Variants in TMEM18 observed in about 807,000 individuals in gnomAD.
The protein encoded by TMEM18 is transmembrane protein 18.
TMEM18 carries 14 observed loss-of-function variants against 17.4 expected under a neutral mutation model. The observed-to-expected ratio is 0.80, with a 90% CI of 0.53 to 1.25. The LOEUF is 1.25. TMEM18 is among the 50% of genes most tolerant of loss of function. The pLI is 0.00. For synonymous variants in TMEM18, 86 were observed against 66.1 expected (o/e 1.30, Z -1.46); for missense variants, 187 against 172.1 (o/e 1.09, Z -0.48).
intron 1 of TMEM18, chr2:676,704 G>A: frequency 6.8e-7 from 1 of 1,474,836 alleles, no homozygotes; most frequent in South Asian, 1.2e-5. Flanking sequence ...ACCCGGCACG[G>A]CGCACGCCCC....
intron 1 of TMEM18, chr2:676,576 G>C (rs1396422530): frequency 3.2e-6 from 5 of 1,550,376 alleles, no homozygotes; most frequent in Non-Finnish European, 8.7e-7. Flanking sequence ...GCACCCACCA[G>C]AAGACCAGAG....
At chr2:670,288 G>A (rs1678807566) in intron 3 of TMEM18, 1 of 173,642 alleles carries the variant, frequency 5.8e-6, no homozygotes, top group African/African-American at 2.4e-5. Flanking sequence ...GCTGCACTGG[G>A]AAGGAGTGGT....
intron 3 of TMEM18, chr2:670,339 C>G (rs1678808884): frequency 6.3e-6 from 1 of 158,948 alleles, no homozygotes; most frequent in Non-Finnish European, 1.4e-5. Context: ...AGCAGGTCCT[C>G]TTGCTGTCAG....
At chr2:670,554 G>C (rs902941376) in intron 3 of TMEM18, 1 of 152,650 alleles carries the variant, frequency 6.6e-6, no homozygotes, top group East Asian at 1.9e-4. Flanking sequence ...CCTTGCTGGC[G>C]CTCACAGCTA....
At position 675,715 on chromosome 2, in the gene TMEM18, G is replaced by T. The variant is rs182285685; in HGVS notation, c.58-85C>A. The T allele has an allele frequency of 1.5e-3, 2,374 of 1,563,942 alleles. 3 individuals carry two copies. Among genetic ancestry groups the T allele is most frequent in the Non-Finnish European group, 1.8e-3 (2,089 of 1,159,666 alleles). On this transcript the variant is annotated intron_variant, in intron 1 of 4. Transcript: ENST00000281017. ...CACCCACAGCCTTCTCCCAGCGCAGGAGGCAGGGGCCTCTCACTCCTGAGT... is the reference window on the plus strand; with the variant it reads ...CACCCACAGCCTTCTCCCAGCGCAGTAGGCAGGGGCCTCTCACTCCTGAGT...
rs80025218 is a variant in TMEM18 at position 666,016 on chromosome 2, C to T, written c.*3564G>A. 6.9e-6 allele frequency among the ~76,000 whole-genome samples: 1 copy of T among 143,964 alleles called. No individual in the cohort carries two copies. Among genetic ancestry groups the T allele is most frequent in the African/African-American group, 2.6e-5 (1 of 38,562 alleles). 94.4% of individuals were successfully genotyped at this position (143,964 alleles called of 152,430 possible). On this transcript the variant is annotated 3_prime_UTR_variant, in exon 5 of 5. Coordinates refer to ENST00000281017, the MANE Select transcript of TMEM18 (RefSeq NM_152834.4). ...ATTAACCCCATGTACAACAGAACCC[C>T]GAGATGCAGATGCTCAGCTCACTGA...
At position 670,012 on chromosome 2, in the gene TMEM18, A is replaced by G. The variant is rs141120545; in HGVS notation, c.234-162T>C. 4.1e-5 allele frequency: 25 copies of G among 610,800 alleles called. No homozygotes were observed. The African/African-American group carries it at 4.4e-4, about 11-fold the overall frequency. 37.8% of individuals were successfully genotyped at this position (610,800 alleles called of 1,614,324 possible). ...TGGGAGCAGCGGTAATCTCCACTGT[A>G]CTGTCCCAAATGCAATGAATGCTCA... is the stretch of plus-strand genomic sequence containing the variant. On this transcript the variant is annotated intron_variant, in intron 3 of 4. Transcript: ENST00000281017.
Position 666,056 on chromosome 2 carries a change from C to G in TMEM18, c.*3524G>C, listed in dbSNP as rs1374092386. 1.3e-5 allele frequency among the ~76,000 whole-genome samples: 2 copies of G among 152,142 alleles called. No homozygotes were observed. Among genetic ancestry groups the G allele is most frequent in the Non-Finnish European group, 2.9e-5 (2 of 68,030 alleles). On this transcript the variant is annotated 3_prime_UTR_variant, in exon 5 of 5. Transcript: ENST00000281017. Reference sequence around the variant, plus strand: ...CAGCTCACTGAGATGGAGCATCAACCCTACACACAACAGGACCCATGGAGG... The same window carrying G: ...CAGCTCACTGAGATGGAGCATCAACGCTACACACAACAGGACCCATGGAGG...
chr2:677,280 G>A lies in TMEM18; in HGVS notation c.57+9C>T, dbSNP rs775924520. 3.1e-6 allele frequency: 5 copies of A among 1,609,780 alleles called. No homozygotes were observed. The African/African-American group carries it at 4.0e-5, about 13-fold the overall frequency. On this transcript the variant is annotated intron_variant, in intron 1 of 4. Coordinates refer to ENST00000281017, the MANE Select transcript of TMEM18 (RefSeq NM_152834.4). The stretch of plus-strand genomic sequence containing the variant: ...CCCCGAACTGGTGGTTACGCGGGCC[G>A]CGAGTTACCGTGAGCACGGCTGGGA...
intron 3 of TMEM18, chr2:670,112 C>T (rs1184012701): frequency 4.7e-6 from 2 of 424,462 alleles, no homozygotes; most frequent in East Asian, 4.5e-5. Context: ...CGAGGCCTCC[C>T]CCAGCAGAGA....
Position 669,490 on chromosome 2 carries a change from C to T in TMEM18, c.*90G>A, listed in dbSNP as rs1678779607. On this transcript the variant is annotated 3_prime_UTR_variant, in exon 5 of 5. Transcript: ENST00000281017. The stretch of plus-strand genomic sequence containing the variant: ...AACGGTTTTTCAAACCATGAGTCAG[C>T]TGGAAGGATGCCCACGCCACGCACA... 4 of 1,294,536 alleles carry T rather than the reference C, an allele frequency of 3.1e-6. No homozygotes were observed. The highest frequency in any genetic ancestry group is 3.3e-6 in the Non-Finnish European group (3 of 910,856). The allele number at this position is 1,294,536 out of a possible 1,614,324, so 80.2% of individuals were successfully genotyped here.
Position 664,258 on chromosome 2 carries a change from C to T in TMEM18, c.*5322G>A, listed in dbSNP as rs1678617019. Among the ~76,000 whole-genome samples, 2 of 152,182 alleles carry T rather than the reference C, an allele frequency of 1.3e-5. No individual in the cohort carries two copies. Among genetic ancestry groups the T allele is most frequent in the Admixed American group, 6.5e-5 (1 of 15,278 alleles). The stretch of plus-strand genomic sequence containing the variant: ...GTTTTCACGGTTCTTCTCCGAGGGT[C>T]ACTTGTCAGCTTGGGAGGAGGTGGA... On this transcript the variant is annotated 3_prime_UTR_variant, in exon 5 of 5. Coordinates refer to ENST00000281017, the MANE Select transcript of TMEM18 (RefSeq NM_152834.4).
chr2:671,232 G>A (rs1414676964), intron 3 of TMEM18, among the ~76,000 whole-genome samples: 1 of 152,158 alleles, frequency 6.6e-6, no homozygotes, highest in Non-Finnish European at 1.5e-5. Flanking sequence ...GGAGGCTGCG[G>A]CCAGAGGGAA....
At position 664,916 on chromosome 2, in the gene TMEM18, T is replaced by C. The variant is rs1050095740; in HGVS notation, c.*4664A>G. On this transcript the variant is annotated 3_prime_UTR_variant, in exon 5 of 5. Transcript: ENST00000281017. The stretch of plus-strand genomic sequence containing the variant: ...CTACAATGTGTTTACTATGCAGGCA[T>C]TGAAAATAATGTTATATAGTGAAAT... Among the ~76,000 whole-genome samples, 1 of 152,184 alleles carries C rather than the reference T, an allele frequency of 6.6e-6. No homozygotes were observed. Among genetic ancestry groups the C allele is most frequent in the Admixed American group, 6.5e-5 (1 of 15,274 alleles).
At chr2:676,534 A>C (rs1433265352) in intron 1 of TMEM18, 42 of 1,547,990 alleles carry the variant, frequency 2.7e-5, no homozygotes, top group Non-Finnish European at 3.7e-5. Flanking sequence ...GCGCCATGAC[A>C]TAAGGACACA....
chr2:675,901 C>T (rs1383687779), intron 1 of TMEM18: 5 of 1,460,456 alleles, frequency 3.4e-6, no homozygotes, highest in Non-Finnish European at 9.1e-7. Flanking sequence ...GAACTGAAGG[C>T]ATCTCTGATG....
chr2:676,888 C>T (rs983668964), intron 1 of TMEM18: 2 of 580,490 alleles, frequency 3.4e-6, no homozygotes, highest in Non-Finnish European at 6.1e-6. Flanking sequence ...GCTCCGCCCA[C>T]ACAACTCAGC....
intron 3 of TMEM18, among the ~76,000 whole-genome samples, chr2:671,896 G>C (rs575566219): frequency 6.6e-6 from 1 of 152,164 alleles, no homozygotes; most frequent in Non-Finnish European, 1.5e-5. Context: ...CCAGTGAGCC[G>C]CTTATGGCTA....
At chr2:674,740 T>G (rs774384697) in intron 2 of TMEM18, among the ~76,000 whole-genome samples, 1 of 152,262 alleles carries the variant, frequency 6.6e-6, no homozygotes, top group Non-Finnish European at 1.5e-5. Context: ...AATTAGTTAT[T>G]TTTAACTACC....
Sources: gnomAD v4.1 joint callset for allele counts (sites outside exome capture counted in the v4.1 genomes callset) on GRCh38, gnomAD v4.1.1 for gene constraint, MANE v1.5 for transcripts, NCBI Gene and HGNC (gene_info 2026-07-23, HGNC 2026-07-21) for gene names.